Variants in TAFA4 observed in about 807,000 individuals in gnomAD.
The protein encoded by TAFA4 is chemokine-like protein TAFA-4.
In TAFA4, 20 loss-of-function variants were observed where a neutral mutation model predicts 21.1. That is an observed-to-expected ratio of 0.95 (90% confidence interval 0.67 to 1.38). TAFA4 has a LOEUF of 1.38. Among genes scored for constraint, TAFA4 ranks in the 40% most tolerant of loss-of-function variants. The probability of loss-of-function intolerance (pLI) is 0.00; values close to 1 mark genes in which losing one functional copy is unlikely to be tolerated. For missense variants in TAFA4, 211 were observed against 180.9 expected (o/e 1.17, Z -0.95); for synonymous variants, 71 against 67.4 (o/e 1.05, Z -0.26).
intron 3 of TAFA4, among the ~76,000 whole-genome samples, chr3:68,829,358 G>A (rs757023683): frequency 2.6e-5 from 4 of 152,024 alleles, no homozygotes; most frequent in East Asian, 1.9e-4. Flanking sequence ...TTTGAGATAC[G>A]TTCCATCAAT....
At chr3:68,852,824 C>A (rs1407531003) in intron 3 of TAFA4, among the ~76,000 whole-genome samples, 1 of 151,908 alleles carries the variant, frequency 6.6e-6, no homozygotes, top group Non-Finnish European at 1.5e-5. Flanking sequence ...ATAAATAAAG[C>A]AAACCAATGA....
At chr3:68,856,703 C>G (rs1220838251) in intron 3 of TAFA4, among the ~76,000 whole-genome samples, 1 of 152,158 alleles carries the variant, frequency 6.6e-6, no homozygotes, top group Non-Finnish European at 1.5e-5. Flanking sequence ...TCGCTCAACC[C>G]AAGTTATAGC....
At chr3:68,816,171 G>A (rs867645461) in intron 3 of TAFA4, among the ~76,000 whole-genome samples, 6 of 152,082 alleles carry the variant, frequency 3.9e-5, no homozygotes, top group Admixed American at 6.6e-5. Context: ...GTTGTGGAGT[G>A]GGGGGAGGGA....
At chr3:68,795,855 G>A (rs1324236930) in intron 3 of TAFA4, among the ~76,000 whole-genome samples, 2 of 152,094 alleles carry the variant, frequency 1.3e-5, no homozygotes, top group Non-Finnish European at 2.9e-5. Context: ...CCTCTTTTGG[G>A]AAGACATTCC....
At chr3:68,909,542 C>T (rs2089936686) in intron 1 of TAFA4, among the ~76,000 whole-genome samples, 1 of 152,152 alleles carries the variant, frequency 6.6e-6, no homozygotes, top group African/African-American at 2.4e-5. Context: ...TATGAATTCC[C>T]CGCCTCCCCA....
rs750139127 is a variant in TAFA4 at position 68,885,183 on chromosome 3, C to T, written c.6G>A (p.Arg2=). 2.5e-6 allele frequency: 4 copies of T among 1,612,668 alleles called. No individual in the cohort carries two copies. Among genetic ancestry groups the T allele is most frequent in the South Asian group, 1.1e-5 (1 of 90,804 alleles). The change falls in exon 2 of 6, where the codon AGG becomes AGA. Residue 2 remains arginine (R), a synonymous_variant. Transcript: ENST00000295569. M[R]SPRMRVCAKS... is the part of the protein sequence containing the mutation. ...CGTTAAAATAATCTTACCTTGGGGA[C>T]CTCATAAGATGTGGTTCTAGTCAAA...
chr3:68,792,314 A>G (rs761975148), intron 3 of TAFA4, among the ~76,000 whole-genome samples: 101 of 152,220 alleles, frequency 6.6e-4, no homozygotes, highest in Admixed American at 1.7e-3. Flanking sequence ...GATTATACAT[A>G]TAGACTCACC....
At chr3:68,900,285 AT>A (rs2089833321) in intron 1 of TAFA4, among the ~76,000 whole-genome samples, 2 of 31,108 alleles carry the variant, frequency 6.4e-5, no homozygotes, top group South Asian at 3.4e-3. Context: ...AATAATAACA[AT>A]AATAATAATA....
At chr3:68,873,835 T>G (rs113254590) in intron 3 of TAFA4, among the ~76,000 whole-genome samples, 3 of 152,282 alleles carry the variant, frequency 2.0e-5, no homozygotes, top group Admixed American at 2.0e-4. Flanking sequence ...ACACACCTCT[T>G]GACTCCTTTA....
intron 3 of TAFA4, among the ~76,000 whole-genome samples, chr3:68,799,563 T>C (rs543691212): frequency 1.3e-5 from 2 of 152,240 alleles, no homozygotes; most frequent in African/African-American, 4.8e-5. Flanking sequence ...GAGCCAAAAA[T>C]GGGGAAGCTA....
At chr3:68,780,307 G>A (rs1359235748) in intron 3 of TAFA4, among the ~76,000 whole-genome samples, 1 of 152,174 alleles carries the variant, frequency 6.6e-6, no homozygotes, top group Non-Finnish European at 1.5e-5. Flanking sequence ...TTAAGACTTT[G>A]GGAGACTATT....
intron 3 of TAFA4, among the ~76,000 whole-genome samples, chr3:68,851,541 G>A (rs114081579): frequency 0.012 from 1,792 of 152,170 alleles, 30 homozygotes; most frequent in African/African-American, 0.037. Flanking sequence ...CATGGTGACC[G>A]TAGAAACTGG....
chr3:68,928,575 C>T (rs150461203), intron 1 of TAFA4, among the ~76,000 whole-genome samples: 141 of 152,284 alleles, frequency 9.3e-4, no homozygotes, highest in Middle Eastern at 3.4e-3. Flanking sequence ...CGCCAGCTCC[C>T]CTTTAAACCT....
chr3:68,809,877 T>C (rs1360423677), intron 3 of TAFA4, among the ~76,000 whole-genome samples: 1 of 152,192 alleles, frequency 6.6e-6, no homozygotes, highest in Non-Finnish European at 1.5e-5. Context: ...GGTCCGTAAA[T>C]GTGTGGATTT....
chr3:68,778,765 T>A (rs552292758), intron 3 of TAFA4, among the ~76,000 whole-genome samples: 5 of 152,354 alleles, frequency 3.3e-5, no homozygotes, highest in African/African-American at 1.2e-4. Context: ...CTCTTTCTTT[T>A]ATAAATTGCC....
intron 3 of TAFA4, among the ~76,000 whole-genome samples, chr3:68,832,046 T>C (rs918071998): frequency 6.6e-6 from 1 of 151,508 alleles, no homozygotes; most frequent in African/African-American, 2.5e-5. Context: ...TTTAAGCTCT[T>C]CTCTACACTG....
At chr3:68,856,543 G>T (rs181144084) in intron 3 of TAFA4, among the ~76,000 whole-genome samples, 1 of 152,064 alleles carries the variant, frequency 6.6e-6, no homozygotes, top group African/African-American at 2.4e-5. Flanking sequence ...ATCCTCTTGG[G>T]GTAACTTCAG....
At chr3:68,770,815 A>G (rs894554875) in intron 3 of TAFA4, among the ~76,000 whole-genome samples, 1 of 151,590 alleles carries the variant, frequency 6.6e-6, no homozygotes, top group Non-Finnish European at 1.5e-5. Context: ...CGAGGGCTCC[A>G]CCCTCGGGCC....
chr3:68,763,132 T>C (rs1051127258), intron 3 of TAFA4, among the ~76,000 whole-genome samples: 9 of 152,322 alleles, frequency 5.9e-5, no homozygotes, highest in African/African-American at 2.2e-4. Flanking sequence ...AGGTCAACAA[T>C]TGAAGATGAG....
Sources: allele counts gnomAD v4.1 joint callset (sites outside exome capture counted in the v4.1 genomes callset), GRCh38; gene constraint gnomAD v4.1.1; transcripts MANE v1.5; gene names NCBI Gene and HGNC (gene_info 2026-07-23, HGNC 2026-07-21).